Variants in TSHR observed in about 807,000 individuals in gnomAD.
TSHR encodes thyrotropin receptor.
In TSHR, 51 loss-of-function variants were observed where a neutral mutation model predicts 64.1. That is an observed-to-expected ratio of 0.80 (90% CI 0.64 to 1.01). The LOEUF is 1.01. Ranked by LOEUF, TSHR falls within the 50% of genes least tolerant of loss-of-function variation. The pLI is 0.00. For synonymous variants in TSHR, 361 were observed against 361.9 expected (o/e 1.00, Z 0.03); for missense variants, 877 against 942.8 (o/e 0.93, Z 0.91).
At chr14:80,991,595 TGAA>T (rs1768837821) in intron 1 of TSHR, 2 of 398,540 alleles carry the variant, frequency 5.0e-6, no homozygotes, top group Non-Finnish European at 8.8e-6. Context: ...AATTCAACAT[TGAA>T]GGAGACATTT....
At chr14:81,007,998 C>T (rs1020927348) in intron 1 of TSHR, among the ~76,000 whole-genome samples, 10 of 152,176 alleles carry the variant, frequency 6.6e-5, no homozygotes, top group African/African-American at 2.4e-4. Context: ...GGACAGATCA[C>T]TGTGTCCAGA....
At chr14:81,090,777 T>C (rs965084112) in intron 4 of TSHR, among the ~76,000 whole-genome samples, 1 of 152,164 alleles carries the variant, frequency 6.6e-6, no homozygotes, top group East Asian at 1.9e-4. Flanking sequence ...AAACTGAATT[T>C]ATATTTCTAG....
chr14:80,984,048 G>A (rs977854181), intron 1 of TSHR, among the ~76,000 whole-genome samples: 2 of 150,228 alleles, frequency 1.3e-5, no homozygotes, highest in African/African-American at 2.5e-5. Context: ...ATAACTAACA[G>A]TACCTAGAGA....
At chr14:80,960,021 T>C (rs1250201227) in intron 1 of TSHR, among the ~76,000 whole-genome samples, 1 of 152,228 alleles carries the variant, frequency 6.6e-6, no homozygotes, top group Non-Finnish European at 1.5e-5. Context: ...CTACAGACTA[T>C]TGTCTGTGAA....
In TSHR at chr14:81,143,966, C is replaced by T. The variant is rs2140113110; in HGVS notation, c.1908C>T (p.Cys636=). 3.1e-6 allele frequency: 5 copies of T among 1,614,170 alleles called. No homozygotes were observed. The highest frequency in any genetic ancestry group is 4.2e-6 in the Non-Finnish European group (5 of 1,180,026). Residue 636 remains cysteine (C), a synonymous_variant, in exon 10 of 10, where the codon TGC becomes TGT. Coordinates refer to ENST00000298171, the MANE Select transcript of TSHR (RefSeq NM_000369.5). The part of the protein sequence containing the change: ...MAVLIFTDFI[C]MAPISFYALS... ...TGTTGATCTTCACCGACTTCATATG[C>T]ATGGCCCCAATCTCATTCTATGCTC...
At chr14:81,051,370 C>A (rs1474858435) in intron 1 of TSHR, 1 of 152,092 alleles carries the variant, frequency 6.6e-6, no homozygotes, top group Non-Finnish European at 1.5e-5. Flanking sequence ...AATTAACTTC[C>A]TCCAAACTCC....
intron 3 of TSHR, chr14:81,087,617 C>A (rs1888377133): frequency 2.9e-6 from 1 of 345,120 alleles, no homozygotes; most frequent in Non-Finnish European, 5.5e-6. Flanking sequence ...GTCTTCAACT[C>A]CTCACCAAAT....
At chr14:81,138,178 C>G (rs921299270) in intron 8 of TSHR, among the ~76,000 whole-genome samples, 13 of 150,958 alleles carry the variant, frequency 8.6e-5, no homozygotes, top group Admixed American at 6.6e-4. Flanking sequence ...GGAACAAGCG[C>G]CAAGGGTAAT....
intron 9 of TSHR, 115 bp from the exon 10 acceptor site, chr14:81,142,825 G>T: frequency 1.1e-6 from 1 of 878,920 alleles, no homozygotes; most frequent in Non-Finnish European, 1.9e-6. Flanking sequence ...GCCCAGGCTG[G>T]TCTCAAACTC....
rs533008905 is a variant in TSHR, at chr14:80,998,512, T to C, written c.170+42662T>C. 1.5e-4 allele frequency among the ~76,000 whole-genome samples: 23 copies of C among 151,998 alleles called. 2 individuals carry two copies. The South Asian group carries it at 4.8e-3, about 32-fold the overall frequency. On this transcript the variant is annotated intron_variant, in intron 1 of 9. Transcript: ENST00000298171. ...ATCACACTGCAATATCTTGAAATTA[T>C]TACTTATAAAGATCAAGCAGAAGCT...
intron 1 of TSHR, among the ~76,000 whole-genome samples, chr14:80,970,921 G>A (rs1053665477): frequency 6.6e-6 from 1 of 152,142 alleles, no homozygotes; most frequent in Admixed American, 6.5e-5. Flanking sequence ...GGCAACCTCT[G>A]CCTCCAAGGC....
chr14:81,057,778 G>A (rs1885929418), intron 1 of TSHR, among the ~76,000 whole-genome samples: 1 of 152,188 alleles, frequency 6.6e-6, no homozygotes, highest in South Asian at 2.1e-4. Flanking sequence ...ACACAAGTGG[G>A]AAGTTTGGTG....
At chr14:81,067,293 T>G (rs1029409138) in intron 2 of TSHR, among the ~76,000 whole-genome samples, 1 of 151,844 alleles carries the variant, frequency 6.6e-6, no homozygotes, top group Admixed American at 6.6e-5. Flanking sequence ...TGAGGAACTC[T>G]TCTATTCATT....
intron 8 of TSHR, among the ~76,000 whole-genome samples, chr14:81,139,020 C>A (rs1891571802): frequency 6.6e-6 from 1 of 152,182 alleles, no homozygotes; most frequent in Non-Finnish European, 1.5e-5. Flanking sequence ...CCACCACCCC[C>A]CTCACCCCAT....
chr14:80,972,633 C>T (rs1240741103), intron 1 of TSHR, among the ~76,000 whole-genome samples: 2 of 152,258 alleles, frequency 1.3e-5, no homozygotes, highest in East Asian at 3.9e-4. Context: ...ATAAAATTAA[C>T]CATTTTCAAG....
At chr14:81,085,265 C>A (rs949551492) in intron 3 of TSHR, among the ~76,000 whole-genome samples, 4 of 152,208 alleles carry the variant, frequency 2.6e-5, no homozygotes, top group African/African-American at 9.6e-5. Flanking sequence ...TGCGCCACCA[C>A]ACCCAGCTGT....
intron 1 of TSHR, among the ~76,000 whole-genome samples, chr14:81,003,831 A>G (rs548641558): frequency 2.0e-5 from 3 of 151,998 alleles, no homozygotes; most frequent in African/African-American, 7.2e-5. Context: ...CACTTCACCT[A>G]TTAGCTTAGG....
chr14:81,012,376 T>C (rs1173148316), intron 1 of TSHR: 1 of 151,676 alleles, frequency 6.6e-6, no homozygotes, highest in Non-Finnish European at 1.5e-5. Context: ...GTCTTTGCTA[T>C]TGTGAATAAT....
At chr14:81,104,293 A>G (rs1317295343) in intron 7 of TSHR, 2 of 985,294 alleles carry the variant, frequency 2.0e-6, no homozygotes, top group Non-Finnish European at 2.4e-6. Flanking sequence ...ACGCTGTGGG[A>G]GGAAAACATG....
Sources: allele counts gnomAD v4.1 joint callset (sites outside exome capture counted in the v4.1 genomes callset), GRCh38; gene constraint gnomAD v4.1.1; transcripts MANE v1.5; gene names NCBI Gene and HGNC (gene_info 2026-07-23, HGNC 2026-07-21).